Variants in HMGCLL1 observed in about 807,000 individuals in gnomAD.
HMGCLL1 encodes the protein 3-hydroxy-3-methylglutaryl-CoA lyase like 1, also known as 3-hydroxymethyl-3-methylglutaryl-CoA lyase, cytoplasmic.
In HMGCLL1, 36 loss-of-function variants were observed where a neutral mutation model predicts 39.1. The ratio of observed to expected loss-of-function variants is 0.92; its 90% CI spans 0.71 to 1.22. The LOEUF is 1.22. HMGCLL1 is among the 50% of genes most tolerant of loss of function. The pLI is 0.00. For missense variants in HMGCLL1, 451 were observed against 416.5 expected, an observed-to-expected ratio of 1.08 and a Z score of -0.72; for synonymous variants, 149 against 144.0, an observed-to-expected ratio of 1.03 and a Z score of -0.25.
intron 7 of HMGCLL1, among the ~76,000 whole-genome samples, chr6:55,492,567 C>T (rs1766370304): frequency 6.6e-6 from 1 of 152,206 alleles, no homozygotes. Flanking sequence ...ATATGTCTTT[C>T]TTATGATATC....
chr6:55,482,584 A>G (rs945754128), intron 7 of HMGCLL1, among the ~76,000 whole-genome samples: 1 of 152,162 alleles, frequency 6.6e-6, no homozygotes, highest in Non-Finnish European at 1.5e-5. Context: ...TAGAAACAGT[A>G]TTCTTTTAAT....
intron 3 of HMGCLL1, among the ~76,000 whole-genome samples, chr6:55,534,637 G>A (rs546413880): frequency 2.0e-5 from 3 of 152,218 alleles, no homozygotes; most frequent in Admixed American, 1.3e-4. Context: ...CAAGCCCCCT[G>A]CCCCTGCTGT....
the HMGCLL1 span, among the ~76,000 whole-genome samples, chr6:55,674,646 T>C: frequency 6.6e-6 from 1 of 151,994 alleles, no homozygotes; most frequent in Non-Finnish European, 1.5e-5. Flanking sequence ...GCTTCCTAAT[T>C]TGGGGCTCTA....
the HMGCLL1 span, among the ~76,000 whole-genome samples, chr6:55,611,882 T>C: frequency 6.6e-6 from 1 of 152,162 alleles, no homozygotes; most frequent in Non-Finnish European, 1.5e-5. Flanking sequence ...GAATTCCTTT[T>C]GAAAACCAGC....
chr6:55,671,274 G>A, the HMGCLL1 span, among the ~76,000 whole-genome samples: 1 of 151,722 alleles, frequency 6.6e-6, no homozygotes, highest in Admixed American at 6.6e-5. Flanking sequence ...TGACTGGTGG[G>A]ATTAGTTGGA....
chr6:55,540,376 C>A (rs1769355015), intron 3 of HMGCLL1, among the ~76,000 whole-genome samples: 2 of 152,012 alleles, frequency 1.3e-5, no homozygotes, highest in South Asian at 2.1e-4. Context: ...AAAGAAGGAT[C>A]TTTGGGAGAT....
chr6:55,575,025 T>C (rs1471975983), intron 1 of HMGCLL1, among the ~76,000 whole-genome samples: 2 of 152,072 alleles, frequency 1.3e-5, no homozygotes, highest in African/African-American at 4.8e-5. Flanking sequence ...GGCATTAATA[T>C]GTGAAGAGAT....
chr6:55,644,139 C>T, the HMGCLL1 span, among the ~76,000 whole-genome samples: 2 of 152,092 alleles, frequency 1.3e-5, no homozygotes, highest in African/African-American at 2.4e-5. Flanking sequence ...TTTTGAATTG[C>T]ATTTCTCTGA....
chr6:55,655,536 G>GTAGATAGATAGATGATAGA, the HMGCLL1 span, among the ~76,000 whole-genome samples: 14 of 147,734 alleles, frequency 9.5e-5, no homozygotes, highest in Admixed American at 1.4e-4. Context: ...AGTTATATTG[G>GTAGATAGATAGATGATAGA]TAGATAGATA....
chr6:55,677,777 A>G, the HMGCLL1 span, among the ~76,000 whole-genome samples: 1 of 152,208 alleles, frequency 6.6e-6, no homozygotes, highest in Non-Finnish European at 1.5e-5. Flanking sequence ...ACAACCTATA[A>G]GTGATAATAT....
chr6:55,453,105 G>A (rs971433558), intron 7 of HMGCLL1, among the ~76,000 whole-genome samples: 6 of 152,266 alleles, frequency 3.9e-5, no homozygotes, highest in African/African-American at 1.2e-4. Flanking sequence ...AAGAAGCAAT[G>A]TGGAAAATCA....
At chr6:55,599,120 CG>C in the HMGCLL1 span, among the ~76,000 whole-genome samples, 1 of 151,882 alleles carries the variant, frequency 6.6e-6, no homozygotes, top group African/African-American at 2.4e-5. Context: ...TCGGGGGTTG[CG>C]GGGCTAGGGA....
intron 5 of HMGCLL1, among the ~76,000 whole-genome samples, chr6:55,509,572 G>A (rs1777410896): frequency 6.6e-6 from 1 of 151,858 alleles, no homozygotes; most frequent in African/African-American, 2.4e-5. Flanking sequence ...AATGTGTGTA[G>A]TTATAAATTA....
At chr6:55,510,189 T>C (rs1230924991) in intron 5 of HMGCLL1, among the ~76,000 whole-genome samples, 1 of 151,976 alleles carries the variant, frequency 6.6e-6, no homozygotes, top group Admixed American at 6.6e-5. Context: ...AGTATAAACT[T>C]TCAGAAGGTT....
intron 3 of HMGCLL1, among the ~76,000 whole-genome samples, chr6:55,532,216 A>G (rs1768724554): frequency 6.6e-6 from 1 of 152,210 alleles, no homozygotes; most frequent in Non-Finnish European, 1.5e-5. Flanking sequence ...GAAAAGTAGT[A>G]CATGCTGAGC....
intron 1 of HMGCLL1, among the ~76,000 whole-genome samples, chr6:55,563,204 A>T (rs1195139473): frequency 6.6e-6 from 1 of 152,118 alleles, no homozygotes; most frequent in Non-Finnish European, 1.5e-5. Context: ...CTCGGAAAGT[A>T]TTCAAATGTT....
chr6:55,666,369 G>A, the HMGCLL1 span, among the ~76,000 whole-genome samples: 1 of 151,610 alleles, frequency 6.6e-6, no homozygotes, highest in African/African-American at 2.4e-5. Flanking sequence ...TCCACTCAAA[G>A]TTTCAGAAAT....
chr6:55,617,508 T>C, the HMGCLL1 span, among the ~76,000 whole-genome samples: 3 of 152,034 alleles, frequency 2.0e-5, no homozygotes, highest in Non-Finnish European at 4.4e-5. Flanking sequence ...CTCTGCTAGG[T>C]TGTGAGGAGA....
chr6:55,497,529 A>T (rs1415908606), intron 6 of HMGCLL1, among the ~76,000 whole-genome samples: 1 of 152,116 alleles, frequency 6.6e-6, no homozygotes, highest in Admixed American at 6.6e-5. Flanking sequence ...GACATGGCTC[A>T]TGTTATTACA....
Sources: gnomAD v4.1 joint callset for allele counts (sites outside exome capture counted in the v4.1 genomes callset) on GRCh38, gnomAD v4.1.1 for gene constraint, MANE v1.5 for transcripts, NCBI Gene and HGNC (gene_info 2026-07-23, HGNC 2026-07-21) for gene names.